PDSS2: variants seen among roughly 807,000 people sequenced by gnomAD.
PDSS2 encodes the protein all trans-polyprenyl-diphosphate synthase PDSS2.
Under a neutral mutation model 44.5 loss-of-function variants are expected in PDSS2, and 31 were observed. That is an observed-to-expected ratio of 0.70 (90% CI 0.52 to 0.94). PDSS2 has a LOEUF of 0.94. PDSS2 is among the 40% of genes least tolerant of loss of function. The pLI, the probability that PDSS2 is intolerant of heterozygous loss-of-function variation, is 0.00. For missense variants in PDSS2, 452 were observed against 482.2 expected, an observed-to-expected ratio of 0.94 and a Z score of 0.59; for synonymous variants, 157 against 180.3, an observed-to-expected ratio of 0.87 and a Z score of 1.03.
chr6:107,205,533 C>T lies in PDSS2; in HGVS notation c.1008+4906G>A, dbSNP rs146917449. ...CTCCCCAGGGTGAATAACCCATTCA[C>T]TAACAGTATTTTTTCCTGATCATTA... On this transcript the variant is annotated intron_variant, in intron 6 of 7. Coordinates refer to ENST00000369037, the MANE Select transcript of PDSS2 (RefSeq NM_020381.4). Among the ~76,000 whole-genome samples the T allele has an allele frequency of 4.0e-3, 609 of 152,278 alleles. 6 individuals are homozygous for T. The highest frequency in any genetic ancestry group is 4.9e-3 in the Non-Finnish European group (331 of 68,030).
At chr6:107,233,005 CAG>C (rs1774102820) in intron 4 of PDSS2, among the ~76,000 whole-genome samples, 3 of 152,168 alleles carry the variant, frequency 2.0e-5, no homozygotes, top group Admixed American at 6.5e-5. Flanking sequence ...TTTGTTCAGA[CAG>C]AGTCTCAACA....
intron 1 of PDSS2, among the ~76,000 whole-genome samples, chr6:107,336,322 G>A (rs1410234156): frequency 6.6e-6 from 1 of 151,080 alleles, no homozygotes; most frequent in East Asian, 1.9e-4. Context: ...TTTTTAAAAG[G>A]GGCCCCTTTT....
At chr6:107,225,959 T>C (rs1221135018) in intron 4 of PDSS2, among the ~76,000 whole-genome samples, 2 of 152,174 alleles carry the variant, frequency 1.3e-5, no homozygotes, top group Non-Finnish European at 2.9e-5. Flanking sequence ...GAGTTCTTGC[T>C]CTCATAGTTA....
chr6:107,181,257 G>A (rs796350800), intron 7 of PDSS2, among the ~76,000 whole-genome samples: 7 of 152,306 alleles, frequency 4.6e-5, no homozygotes, highest in African/African-American at 9.6e-5. Flanking sequence ...ACTTGGGGCC[G>A]GGCGCAGTGG....
intron 1 of PDSS2, among the ~76,000 whole-genome samples, chr6:107,367,601 T>C (rs369781551): frequency 1.3e-5 from 2 of 152,094 alleles, no homozygotes; most frequent in South Asian, 2.1e-4. Context: ...CTAGCCAACA[T>C]GGCAAAACCC....
intron 1 of PDSS2, among the ~76,000 whole-genome samples, chr6:107,381,834 G>A (rs1779463482): frequency 6.6e-6 from 1 of 152,112 alleles, no homozygotes; most frequent in African/African-American, 2.4e-5. Context: ...AATATGTTAA[G>A]ATAAAAAGAG....
chr6:107,221,473 C>CT (rs11306502), intron 4 of PDSS2, among the ~76,000 whole-genome samples: 1 of 151,630 alleles, frequency 6.6e-6, no homozygotes, highest in Non-Finnish European at 1.5e-5. Flanking sequence ...ACGGGATTTC[C>CT]TTTTTTTTTC....
At chr6:107,225,599 G>C (rs1469209064) in intron 4 of PDSS2, among the ~76,000 whole-genome samples, 2 of 152,052 alleles carry the variant, frequency 1.3e-5, no homozygotes, top group Non-Finnish European at 2.9e-5. Flanking sequence ...GGGTGATCTT[G>C]GTGGCTGGCT....
chr6:107,221,437 ATACATTCAGTGAATATT>A (rs1206977289), intron 4 of PDSS2, among the ~76,000 whole-genome samples: 1 of 148,912 alleles, frequency 6.7e-6, no homozygotes, highest in East Asian at 2.0e-4. Flanking sequence ...GAAAAGGAGG[ATACATTCAGTGAATATT>A]TACTTTTGAC....
chr6:107,228,333 A>G (rs557799529), intron 4 of PDSS2, among the ~76,000 whole-genome samples: 2 of 152,054 alleles, frequency 1.3e-5, no homozygotes, highest in East Asian at 3.9e-4. Flanking sequence ...TTAATCTAAT[A>G]CTCCTATATT....
intron 1 of PDSS2, among the ~76,000 whole-genome samples, chr6:107,378,765 G>A (rs930983229): frequency 1.7e-4 from 26 of 152,288 alleles, no homozygotes; most frequent in Middle Eastern, 3.4e-3. Context: ...CAGCCTGGGC[G>A]ACAGAGTATC....
chr6:107,389,508 A>G (rs1263630511), intron 1 of PDSS2, among the ~76,000 whole-genome samples: 1 of 152,192 alleles, frequency 6.6e-6, no homozygotes, highest in Non-Finnish European at 1.5e-5. Context: ...CTACAGTCGA[A>G]CAAACAGGTA....
intron 7 of PDSS2, among the ~76,000 whole-genome samples, chr6:107,189,783 T>C (rs938495639): frequency 2.0e-5 from 3 of 152,148 alleles, no homozygotes; most frequent in African/African-American, 7.2e-5. Context: ...CATTTTCCAG[T>C]GGAAATCTCT....
At chr6:107,377,880 C>T (rs1327841687) in intron 1 of PDSS2, among the ~76,000 whole-genome samples, 1 of 151,212 alleles carries the variant, frequency 6.6e-6, no homozygotes, top group Admixed American at 6.6e-5. Context: ...ACTCTGGGGA[C>T]TGTTGTGGGG....
intron 2 of PDSS2, among the ~76,000 whole-genome samples, chr6:107,277,770 T>C (rs1486747829): frequency 6.6e-6 from 1 of 152,104 alleles, no homozygotes; most frequent in African/African-American, 2.4e-5. Flanking sequence ...CTGGCCAACA[T>C]GGTGAAACCC....
chr6:107,207,862 G>T (rs1773040064), intron 6 of PDSS2, among the ~76,000 whole-genome samples: 1 of 151,148 alleles, frequency 6.6e-6, no homozygotes, highest in Non-Finnish European at 1.5e-5. Context: ...TGCCCACCTC[G>T]GCTTCTCAAA....
At chr6:107,189,800 G>A (rs891688578) in intron 7 of PDSS2, among the ~76,000 whole-genome samples, 1 of 152,070 alleles carries the variant, frequency 6.6e-6, no homozygotes, top group African/African-American at 2.4e-5. Context: ...CTCTTCCATT[G>A]TCAAGTGCTT....
intron 1 of PDSS2, among the ~76,000 whole-genome samples, chr6:107,453,554 A>G (rs1164650351): frequency 1.3e-5 from 2 of 151,860 alleles, no homozygotes; most frequent in Non-Finnish European, 2.9e-5. Context: ...TGGGTTCTCT[A>G]TTCTGTTCCA....
intron 1 of PDSS2, among the ~76,000 whole-genome samples, chr6:107,402,495 T>TATGTATACATATATATAC: frequency 3.8e-5 from 3 of 79,044 alleles, no homozygotes; most frequent in Admixed American, 1.4e-4. Context: ...TACGTATATA[T>TATGTATACATATATATAC]GTATACATAT....
Sources: allele counts gnomAD v4.1 joint callset (sites outside exome capture counted in the v4.1 genomes callset), GRCh38; gene constraint gnomAD v4.1.1; transcripts MANE v1.5; gene names NCBI Gene and HGNC (gene_info 2026-07-23, HGNC 2026-07-21).